PHACTR1: variants seen among roughly 807,000 people sequenced by gnomAD.
PHACTR1 encodes RPEL repeat containing 1.
PHACTR1 carries 16 observed loss-of-function variants against 69.2 expected under a neutral mutation model. The observed-to-expected ratio is 0.23, with a 90% CI of 0.16 to 0.35. The LOEUF (loss-of-function observed/expected upper bound fraction) is 0.35, where lower values mean the gene tolerates loss of function less well. PHACTR1 is among the 10% of genes least tolerant of loss of function. The pLI, the probability that PHACTR1 is intolerant of heterozygous loss-of-function variation, is 1.00. For missense variants in PHACTR1, 510 were observed against 734.7 expected (o/e 0.69, Z 3.54); for synonymous variants, 312 against 284.5 (o/e 1.10, Z -0.97).
intron 4 of PHACTR1, among the ~76,000 whole-genome samples, chr6:12,768,458 A>G (rs1481560450): frequency 6.6e-6 from 1 of 152,154 alleles, no homozygotes; most frequent in Non-Finnish European, 1.5e-5. Flanking sequence ...AGTTATCACC[A>G]TCAAATCCCT....
rs150412333 is a variant in PHACTR1, at chr6:12,795,154, C to T, written c.250+45364C>T. On this transcript the variant is annotated intron_variant, in intron 4 of 14. Coordinates refer to ENST00000332995, the MANE Select transcript of PHACTR1 (RefSeq NM_030948.6). The stretch of plus-strand genomic sequence containing the variant: ...TCATGCCACTGATCCATGGACCACA[C>T]ACTTAGAGTAGCAAGGATCTAGAAT... 4.6e-5 allele frequency among the ~76,000 whole-genome samples: 7 copies of T among 152,254 alleles called. No individual in the cohort carries two copies. The East Asian group carries it at 1.3e-3, about 29-fold the overall frequency.
chr6:12,789,847 A>G (rs2095123), intron 4 of PHACTR1, among the ~76,000 whole-genome samples: 56,114 of 151,128 alleles, frequency 0.37, 11,224 homozygotes, highest in African/African-American at 0.5. Flanking sequence ...ACATATGTAT[A>G]CATGTGCCAT....
chr6:12,919,571 C>T (rs1787412616), intron 4 of PHACTR1, among the ~76,000 whole-genome samples: 1 of 152,188 alleles, frequency 6.6e-6, no homozygotes, highest in Admixed American at 6.5e-5. Flanking sequence ...ATATTTTACC[C>T]AAGTGCCTTC....
intron 4 of PHACTR1, among the ~76,000 whole-genome samples, chr6:13,005,663 C>T (rs1418298565): frequency 2.0e-5 from 3 of 152,204 alleles, no homozygotes; most frequent in African/African-American, 7.2e-5. Context: ...AAGATACAAC[C>T]TGCCTTGTTA....
chr6:12,740,782 A>T lies in PHACTR1; in HGVS notation c.104-8862A>T, dbSNP rs1001626112. On this transcript the variant is annotated intron_variant, in intron 3 of 14. Transcript: ENST00000332995. ...TTTTTACCAAGTTCTTGAATATATAAACAGAAAGATGCTTGTAATATTCTC... is the reference window on the plus strand; with the variant it reads ...TTTTTACCAAGTTCTTGAATATATATACAGAAAGATGCTTGTAATATTCTC... Among the ~76,000 whole-genome samples, 9 of 152,090 alleles carry T rather than the reference A, an allele frequency of 5.9e-5. 1 individual carries two copies. In the East Asian group the frequency reaches 1.7e-3, roughly 29 times the overall value.
rs1478220208 is a variant in PHACTR1, at chr6:12,869,585, C to CTT, written c.250+119796_250+119797insTT. ...TCTAGCCCTATGCTTGACACTCCAA[C>CTT]TAAACTGGGCTCTTCACTGCATTGC... On this transcript the variant is annotated intron_variant, in intron 4 of 14. Transcript: ENST00000332995. Among the ~76,000 whole-genome samples the CTT allele has an allele frequency of 3.3e-5, 5 of 152,322 alleles. No individual in the cohort carries two copies. In the South Asian group the frequency reaches 6.2e-4, roughly 19 times the overall value.
At chr6:12,844,872 C>T (rs1779049118) in intron 4 of PHACTR1, among the ~76,000 whole-genome samples, 1 of 152,044 alleles carries the variant, frequency 6.6e-6, no homozygotes, top group African/African-American at 2.4e-5. Flanking sequence ...AGAAGAAAAA[C>T]CTGTCCCCTC....
chr6:13,038,006 G>A (rs1803571893), intron 4 of PHACTR1, among the ~76,000 whole-genome samples: 1 of 152,220 alleles, frequency 6.6e-6, no homozygotes, highest in Non-Finnish European at 1.5e-5. Context: ...GAATGATCCA[G>A]TTAAGGGTAA....
chr6:13,134,103 C>T (rs4288561), intron 5 of PHACTR1, among the ~76,000 whole-genome samples: 3 of 152,146 alleles, frequency 2.0e-5, no homozygotes, highest in East Asian at 1.9e-4. Flanking sequence ...GCCCGGCAGC[C>T]GCCCTGTCTG....
intron 4 of PHACTR1, among the ~76,000 whole-genome samples, chr6:12,938,689 C>A (rs1789736616): frequency 6.6e-6 from 1 of 152,114 alleles, no homozygotes; most frequent in Non-Finnish European, 1.5e-5. Context: ...CAAAAGCTTC[C>A]TCCTGCTTCT....
chr6:12,859,959 T>G (rs1206004475), intron 4 of PHACTR1, among the ~76,000 whole-genome samples: 1 of 151,678 alleles, frequency 6.6e-6, no homozygotes, highest in Non-Finnish European at 1.5e-5. Flanking sequence ...CTGTAAAAAT[T>G]CTTAACTAAT....
chr6:12,864,505 C>G (rs913189224), intron 4 of PHACTR1, among the ~76,000 whole-genome samples: 2 of 152,042 alleles, frequency 1.3e-5, no homozygotes, highest in Non-Finnish European at 2.9e-5. Context: ...ACGCTGAAAC[C>G]CCTTCTCTAC....
chr6:13,007,757 C>T (rs1292603657), intron 4 of PHACTR1, among the ~76,000 whole-genome samples: 1 of 149,770 alleles, frequency 6.7e-6, no homozygotes, highest in African/African-American at 2.5e-5. Context: ...CGAAATAATG[C>T]TGCAATCAAA....
intron 5 of PHACTR1, among the ~76,000 whole-genome samples, chr6:13,058,127 A>C (rs1470959445): frequency 1.3e-5 from 2 of 152,198 alleles, no homozygotes; most frequent in Admixed American, 6.5e-5. Flanking sequence ...TCCACAATGC[A>C]TCTCCACACC....
intron 6 of PHACTR1, among the ~76,000 whole-genome samples, chr6:13,171,429 T>C (rs531450973): frequency 2.0e-5 from 3 of 152,036 alleles, no homozygotes; most frequent in East Asian, 3.9e-4. Flanking sequence ...AACCTCTCTG[T>C]TCCAGAAATG....
chr6:12,985,003 A>G (rs1795964494), intron 4 of PHACTR1, among the ~76,000 whole-genome samples: 1 of 152,244 alleles, frequency 6.6e-6, no homozygotes, highest in Admixed American at 6.5e-5. Flanking sequence ...ATACTTGGCA[A>G]AAGCCGGGTT....
At chr6:12,719,688 A>G (rs1761858513) in intron 3 of PHACTR1, among the ~76,000 whole-genome samples, 1 of 152,228 alleles carries the variant, frequency 6.6e-6, no homozygotes, top group Non-Finnish European at 1.5e-5. Flanking sequence ...AGCTGAGAAG[A>G]TAATGCAGTC....
intron 4 of PHACTR1, among the ~76,000 whole-genome samples, chr6:12,988,911 G>A (rs1034411447): frequency 2.0e-5 from 3 of 152,242 alleles, no homozygotes; most frequent in East Asian, 3.9e-4. Flanking sequence ...GCAAGGTACC[G>A]TCAGTGTGAC....
intron 4 of PHACTR1, among the ~76,000 whole-genome samples, chr6:12,800,059 T>C (rs1177906974): frequency 6.6e-6 from 1 of 152,192 alleles, no homozygotes; most frequent in Non-Finnish European, 1.5e-5. Context: ...AATAAATAAA[T>C]GACAGGCACA....
Sources: allele counts gnomAD v4.1 joint callset (sites outside exome capture counted in the v4.1 genomes callset), GRCh38; gene constraint gnomAD v4.1.1; transcripts MANE v1.5; gene names NCBI Gene and HGNC (gene_info 2026-07-23, HGNC 2026-07-21).